Variants in DDX47 observed in about 807,000 individuals in gnomAD.
DDX47 encodes probable ATP-dependent RNA helicase DDX47.
DDX47 carries 60 observed loss-of-function variants against 58.8 expected under a neutral mutation model. The observed-to-expected ratio is 1.02, with a 90% CI of 0.83 to 1.26. The LOEUF is 1.26. DDX47 is among the 50% of genes most tolerant of loss of function. The pLI, the probability that DDX47 is intolerant of heterozygous loss-of-function variation, is 0.00. For synonymous variants in DDX47, 197 were observed against 204.6 expected, an observed-to-expected ratio of 0.96 and a Z score of 0.32; for missense variants, 530 against 573.2, an observed-to-expected ratio of 0.92 and a Z score of 0.77.
chr12:12,828,298 TCAGA>T (rs1386060603), intron 11 of DDX47, among the ~76,000 whole-genome samples: 1 of 152,152 alleles, frequency 6.6e-6, no homozygotes, highest in Non-Finnish European at 1.5e-5. Context: ...AAAATTACCT[TCAGA>T]CAATTAAAAA....
chr12:12,829,613 C>A lies in DDX47; in HGVS notation c.*59C>A. Reference sequence around the variant, plus strand: ...GTAAAAGAGAATTGGAGAATGAAACCTGCTCCAACAGAGATCATGAGACTG... The same window carrying A: ...GTAAAAGAGAATTGGAGAATGAAACATGCTCCAACAGAGATCATGAGACTG... On this transcript the variant is annotated 3_prime_UTR_variant, in exon 12 of 12. Coordinates refer to ENST00000358007, the MANE Select transcript of DDX47 (RefSeq NM_016355.4). 2 of 1,583,002 alleles carry A rather than the reference C, an allele frequency of 1.3e-6. No individual in the cohort carries two copies. The highest frequency in any genetic ancestry group is 1.2e-5 in the South Asian group (1 of 86,414).
intron 2 of DDX47, chr12:12,814,553 C>CTTGAGGAGTTGAGAA (rs1862867898): frequency 4.7e-6 from 1 of 214,138 alleles, no homozygotes; most frequent in South Asian, 7.4e-5. Context: ...ATATGTGTGT[C>CTTGAGGAGTTGAGAA]TTGAGGAGTT....
At chr12:12,814,315 A>G (rs557450267) in intron 2 of DDX47, 91 bp downstream of exon 2, 3 of 838,672 alleles carry the variant, frequency 3.6e-6, no homozygotes, top group East Asian at 2.4e-5. Context: ...TTCAAGTGAA[A>G]TAAGGATATG....
At chr12:12,822,336 A>C (rs946203756) in intron 5 of DDX47, among the ~76,000 whole-genome samples, 3 of 152,154 alleles carry the variant, frequency 2.0e-5, no homozygotes, top group African/African-American at 7.2e-5. Context: ...TACACCCTGA[A>C]ATATCTTTAT....
chr12:12,814,491 G>A (rs532769127), intron 2 of DDX47: 3 of 372,568 alleles, frequency 8.1e-6, no homozygotes, highest in African/African-American at 4.1e-5. Context: ...GACAATCTTG[G>A]TAGACTTTAT....
chr12:12,820,879 A>AG (rs112533811), intron 2 of DDX47: 1 of 309,532 alleles, frequency 3.2e-6, no homozygotes, highest in Non-Finnish European at 6.1e-6. Context: ...GCTTACTTCC[A>AG]GTTTTAACTC....
At chr12:12,813,484 T>A (rs1171176291) in intron 1 of DDX47, 30 bp downstream of exon 1, 8 of 1,570,224 alleles carry the variant, frequency 5.1e-6, no homozygotes, top group East Asian at 2.3e-5. Flanking sequence ...GCTTCTTTTA[T>A]GTACTCTGGT....
intron 7 of DDX47, 84 bp from the exon 8 acceptor site, chr12:12,823,786 T>G (rs972681018): frequency 1.5e-6 from 2 of 1,351,490 alleles, no homozygotes; most frequent in African/African-American, 2.9e-5. Context: ...ACTATAGGCT[T>G]AGTCTTTACC....
chr12:12,819,014 G>A (rs531134966), intron 2 of DDX47, among the ~76,000 whole-genome samples: 5 of 152,322 alleles, frequency 3.3e-5, no homozygotes, highest in African/African-American at 1.2e-4. Context: ...ACTGTTGTCT[G>A]ATCTGGCATG....
intron 4 of DDX47, 89 bp from the exon 5 acceptor site, chr12:12,821,875 TG>T: frequency 8.8e-7 from 1 of 1,135,254 alleles, no homozygotes; most frequent in Non-Finnish European, 1.3e-6. Context: ...AGCTGTGGGG[TG>T]GGGCAGATAA....
Position 12,823,958 on chromosome 12 carries a change from C to A in DDX47, c.839C>A (p.Ala280Asp). The A allele has an allele frequency of 6.2e-7, 1 of 1,614,150 alleles. No homozygotes were observed. Among genetic ancestry groups the A allele is most frequent in the Non-Finnish European group, 8.5e-7 (1 of 1,180,014 alleles). ...CSTCNNTQRT[A>D]LLLRNLGFTA... The stretch of plus-strand genomic sequence containing the variant: ...ACCTGTAATAATACCCAGAGAACAG[C>A]TTTGCTACTGCGAAATCTTGGCTTC... The change falls in exon 8 of 12, where the codon GCT becomes GAT. Residue 280 changes from alanine to aspartate, a missense_variant. Physicochemically the swap from Ala to Asp is moderately radical, Grantham distance 126. Coordinates refer to ENST00000358007, the MANE Select transcript of DDX47 (RefSeq NM_016355.4).
chr12:12,824,192 G>T, intron 8 of DDX47, 176 bp downstream of exon 8: 1 of 775,022 alleles, frequency 1.3e-6, no homozygotes, highest in Non-Finnish European at 2.0e-6. Flanking sequence ...TCAGGGTAGC[G>T]AGAGGCTCCC....
intron 9 of DDX47, 161 bp downstream of exon 9, chr12:12,824,838 G>A (rs1476261268): frequency 3.0e-6 from 2 of 665,468 alleles, no homozygotes; most frequent in Non-Finnish European, 2.5e-6. Context: ...TCTTGCACAG[G>A]CCTGTGTATG....
chr12:12,820,875 T>C, intron 2 of DDX47: 1 of 307,982 alleles, frequency 3.2e-6, no homozygotes, highest in Non-Finnish European at 6.1e-6. Flanking sequence ...CTTTGCTTAC[T>C]TCCAGTTTTA....
At chr12:12,823,454 C>G in intron 7 of DDX47, 135 bp downstream of exon 7, 1 of 660,950 alleles carries the variant, frequency 1.5e-6, no homozygotes. Flanking sequence ...GAGTGCATAT[C>G]GTGCTTATAT....
intron 6 of DDX47, 53 bp downstream of exon 6, chr12:12,822,785 T>C: frequency 7.1e-7 from 1 of 1,411,232 alleles, no homozygotes; most frequent in Non-Finnish European, 1.0e-6. Flanking sequence ...ATACATAAAG[T>C]AAATAGTAAT....
At chr12:12,818,704 A>T (rs767277055) in intron 2 of DDX47, among the ~76,000 whole-genome samples, 1 of 151,988 alleles carries the variant, frequency 6.6e-6, no homozygotes, top group Non-Finnish European at 1.5e-5. Flanking sequence ...TGGGAAGAAA[A>T]AGAGGTTTAA....
At chr12:12,821,469 G>A (rs1862972210) in intron 3 of DDX47, 73 bp downstream of exon 3, 3 of 1,560,872 alleles carry the variant, frequency 1.9e-6, no homozygotes. Flanking sequence ...AAGGAGAATG[G>A]AGGAAAGTAT....
chr12:12,823,865 C>T lies in DDX47; in HGVS notation c.751-5C>T. On this transcript the variant is annotated splice_region_variant and splice_polypyrimidine_tract_variant and intron_variant, in intron 7 of 11. Transcript: ENST00000358007. ...GACATATATTGTTTTGGGTTTGTAA[C>T]TTAGGATACCTACCTGGTTTATATT... 1.2e-6 allele frequency: 2 copies of T among 1,612,784 alleles called. No individual in the cohort carries two copies. The highest frequency in any genetic ancestry group is 1.7e-6 in the Non-Finnish European group (2 of 1,179,384).
Sources: gnomAD v4.1 joint callset for allele counts (sites outside exome capture counted in the v4.1 genomes callset) on GRCh38, gnomAD v4.1.1 for gene constraint, MANE v1.5 for transcripts, NCBI Gene and HGNC (gene_info 2026-07-23, HGNC 2026-07-21) for gene names.